Variants in GLIS3 observed in about 807,000 individuals in gnomAD.
GLIS3 encodes GLIS family zinc finger 3.
Under a neutral mutation model 78.6 loss-of-function variants are expected in GLIS3, and 53 were observed. The observed-to-expected ratio is 0.67, with a 90% CI of 0.54 to 0.85. The LOEUF is 0.85. GLIS3 is among the 40% of genes least tolerant of loss of function. The pLI, the probability that GLIS3 is intolerant of heterozygous loss-of-function variation, is 0.00. For missense variants in GLIS3, 1,703 were observed against 1,231.1 expected (o/e 1.38, Z -5.74); for synonymous variants, 684 against 509.9 (o/e 1.34, Z -4.60).
At chr9:4,221,522 A>T (rs1012102568) in intron 2 of GLIS3, among the ~76,000 whole-genome samples, 1 of 152,216 alleles carries the variant, frequency 6.6e-6, no homozygotes, top group African/African-American at 2.4e-5. Context: ...GTAAAGATCA[A>T]TTAGTGAAGC....
intron 4 of GLIS3, among the ~76,000 whole-genome samples, chr9:4,019,173 G>T (rs556333838): frequency 7.9e-5 from 12 of 152,294 alleles, no homozygotes; most frequent in African/African-American, 2.2e-4. Flanking sequence ...GAACATTAAA[G>T]CTTGATAACA....
chr9:3,944,543 T>C (rs1816160222), intron 4 of GLIS3, among the ~76,000 whole-genome samples: 1 of 152,242 alleles, frequency 6.6e-6, no homozygotes, highest in South Asian at 2.1e-4. Flanking sequence ...ACTGGTTGCC[T>C]GGAGGTTGTG....
At chr9:3,858,236 C>T (rs569572737) in intron 8 of GLIS3, among the ~76,000 whole-genome samples, 4 of 152,148 alleles carry the variant, frequency 2.6e-5, no homozygotes, top group Non-Finnish European at 5.9e-5. Context: ...CTGTTGAGGA[C>T]TGATGGGACA....
At chr9:4,440,988 T>C in the GLIS3 span, among the ~76,000 whole-genome samples, 3 of 152,206 alleles carry the variant, frequency 2.0e-5, no homozygotes, top group African/African-American at 7.2e-5. Flanking sequence ...CTCCTGATTT[T>C]TGTGTGTTGA....
In GLIS3 at chr9:4,295,315, T is replaced by C. The variant is rs557655252; in HGVS notation, c.-99+4106A>G. Among the ~76,000 whole-genome samples the C allele has an allele frequency of 6.8e-4, 104 of 152,340 alleles. No homozygotes were observed. In the Middle Eastern group the frequency reaches 0.014, roughly 20 times the overall value. The stretch of plus-strand genomic sequence containing the variant: ...GGTGTCACATTAGACATTTCACTTG[T>C]GTCTGTTTGGTCTCCCTAACCAGAC... On this transcript the variant is annotated intron_variant, in intron 1 of 10. Transcript: ENST00000381971.
At chr9:4,206,956 G>A (rs1819935053) in intron 2 of GLIS3, among the ~76,000 whole-genome samples, 1 of 152,126 alleles carries the variant, frequency 6.6e-6, no homozygotes, top group South Asian at 2.1e-4. Context: ...ATCCTTATTT[G>A]GACATTCGTA....
intron 2 of GLIS3, among the ~76,000 whole-genome samples, chr9:4,255,479 T>A (rs1824837312): frequency 6.6e-6 from 1 of 152,116 alleles, no homozygotes. Flanking sequence ...TGCCCATCAG[T>A]GGGTGAATGG....
intron 7 of GLIS3, among the ~76,000 whole-genome samples, chr9:3,885,814 G>T (rs903339838): frequency 7.9e-5 from 12 of 152,188 alleles, no homozygotes; most frequent in African/African-American, 2.9e-4. Context: ...GCACTTTATA[G>T]AGACATTGTC....
chr9:4,201,840 T>A (rs1819423833), intron 2 of GLIS3, among the ~76,000 whole-genome samples: 1 of 152,168 alleles, frequency 6.6e-6, no homozygotes. Flanking sequence ...AAAGCTATTC[T>A]AAAATTCACA....
At chr9:4,187,612 T>G (rs940683414) in intron 2 of GLIS3, among the ~76,000 whole-genome samples, 2 of 152,252 alleles carry the variant, frequency 1.3e-5, no homozygotes, top group African/African-American at 4.8e-5. Context: ...CCGATATTGA[T>G]TCTTCCTACC....
In GLIS3 at chr9:4,196,419, G is replaced by A. The variant is rs185505595; in HGVS notation, c.389-70478C>T. Among the ~76,000 whole-genome samples the A allele has an allele frequency of 8.5e-5, 13 of 152,344 alleles. No individual in the cohort carries two copies. The East Asian group carries it at 2.5e-3, about 29-fold the overall frequency. ...TCAGGTCCCTTTCCGCACTGTGGAA[G>A]CTTTGTTCTTTCGCTCTTTGCGATA... On this transcript the variant is annotated intron_variant, in intron 2 of 10. Coordinates refer to ENST00000381971, the MANE Select transcript of GLIS3 (RefSeq NM_001042413.2).
rs1588180485 is a variant in GLIS3, at chr9:3,900,135, T to G, written c.1984-1300A>C. Among the ~76,000 whole-genome samples the G allele has an allele frequency of 7.1e-5, 9 of 127,056 alleles. No homozygotes were observed. In the South Asian group the frequency reaches 7.2e-4, roughly 10 times the overall value. The allele number at this position is 127,056 out of a possible 152,430, so 83.4% of individuals were successfully genotyped here. A position where few individuals can be genotyped will look rare whatever the true frequency, so the allele number is the denominator to read the frequency against. ...AAACCAGAGATAAAAGGTGGGGAGG[T>G]GGAAATGGGAAGGAGACGTTGGATA... On this transcript the variant is annotated intron_variant, in intron 6 of 10. Transcript: ENST00000381971.
intron 2 of GLIS3, among the ~76,000 whole-genome samples, chr9:4,160,553 G>A (rs1246723706): frequency 2.0e-5 from 3 of 152,212 alleles, no homozygotes; most frequent in African/African-American, 4.8e-5. Context: ...TTCACGAGCT[G>A]TCTTCACTCT....
chr9:4,218,761 G>A (rs1587014664), intron 2 of GLIS3, among the ~76,000 whole-genome samples: 1 of 151,980 alleles, frequency 6.6e-6, no homozygotes, highest in African/African-American at 2.4e-5. Context: ...CTACCATATT[G>A]GACTGCCAAC....
At chr9:4,199,578 A>AG (rs1275841347) in intron 2 of GLIS3, among the ~76,000 whole-genome samples, 2 of 151,274 alleles carry the variant, frequency 1.3e-5, no homozygotes, top group African/African-American at 4.9e-5. Flanking sequence ...TAAAAAAAAA[A>AG]GTGGGGCTCA....
chr9:4,404,659 T>G, the GLIS3 span, among the ~76,000 whole-genome samples: 1 of 152,038 alleles, frequency 6.6e-6, no homozygotes, highest in Non-Finnish European at 1.5e-5. Context: ...ACTGAAAGAT[T>G]TCTTGAAACA....
chr9:4,388,982 A>G, the GLIS3 span, among the ~76,000 whole-genome samples: 1 of 152,160 alleles, frequency 6.6e-6, no homozygotes, highest in Non-Finnish European at 1.5e-5. Flanking sequence ...TAGGGGTACC[A>G]ACAATTGCTG....
the GLIS3 span, among the ~76,000 whole-genome samples, chr9:4,388,395 A>C: frequency 6.6e-6 from 1 of 151,978 alleles, no homozygotes; most frequent in Non-Finnish European, 1.5e-5. Context: ...GTAGAGAGGC[A>C]GGGCCAGGTG....
intron 2 of GLIS3, among the ~76,000 whole-genome samples, chr9:4,263,523 G>A (rs1044767454): frequency 1.4e-5 from 2 of 142,238 alleles, no homozygotes; most frequent in African/African-American, 5.2e-5. Flanking sequence ...CAAAAAAAAA[G>A]GAGGAAATTC....
Sources: allele counts gnomAD v4.1 joint callset (sites outside exome capture counted in the v4.1 genomes callset), GRCh38; gene constraint gnomAD v4.1.1; transcripts MANE v1.5; gene names NCBI Gene and HGNC (gene_info 2026-07-23, HGNC 2026-07-21).